CAPN7: variants seen among roughly 807,000 people sequenced by gnomAD.
CAPN7 encodes the protein calpain 7.
In CAPN7, 72 loss-of-function variants were observed where a neutral mutation model predicts 115.2. The observed-to-expected ratio is 0.63, with a 90% CI of 0.52 to 0.76. CAPN7 has a LOEUF of 0.76. CAPN7 is among the 30% of genes least tolerant of loss of function. CAPN7 has a pLI of 0.00. For missense variants in CAPN7, 905 were observed against 971.5 expected (o/e 0.93, Z 0.91); for synonymous variants, 344 against 322.3 (o/e 1.07, Z -0.72).
intron 2 of CAPN7, among the ~76,000 whole-genome samples, chr3:15,214,748 T>TACA (rs1368680183): frequency 1.3e-5 from 2 of 152,162 alleles, no homozygotes; most frequent in African/African-American, 2.4e-5. Flanking sequence ...ACCGTCGTAG[T>TACA]ACAGAGTTCA....
chr3:15,236,715 A>G (rs1695013238), intron 12 of CAPN7, among the ~76,000 whole-genome samples: 1 of 152,248 alleles, frequency 6.6e-6, no homozygotes, highest in Non-Finnish European at 1.5e-5. Flanking sequence ...CCTGTACAGC[A>G]TGTTATTGTA....
Position 15,214,281 on chromosome 3 carries a change from CTTAT to C in CAPN7, c.211+2075_211+2078del, listed in dbSNP as rs572997453. ...ATCTCTAGACAATTTAAAGGATTTT[CTTAT>C]TTATTATTTTAAGCAGAAAAGTCCT... On this transcript the variant is annotated intron_variant, in intron 2 of 20. Transcript: ENST00000253693. 8.2e-4 allele frequency among the ~76,000 whole-genome samples: 125 copies of C among 152,200 alleles called. 1 individual carries two copies. The highest frequency in any genetic ancestry group is 2.8e-4 in the Non-Finnish European group (19 of 68,006).
chr3:15,211,922 T>G (rs1051635386), intron 1 of CAPN7, among the ~76,000 whole-genome samples, 182 bp from the exon 2 acceptor site: 3 of 151,988 alleles, frequency 2.0e-5, no homozygotes, highest in African/African-American at 7.2e-5. Context: ...TTGAGAACAT[T>G]GAATACTGAA....
intron 14 of CAPN7, 104 bp downstream of exon 14, chr3:15,240,957 C>A: frequency 2.8e-6 from 2 of 712,558 alleles, no homozygotes; most frequent in South Asian, 1.8e-5. Context: ...GTAATCCCAG[C>A]ACTTTGGGAG....
chr3:15,235,037 A>T lies in CAPN7; in HGVS notation c.1299A>T (p.Gly433=), dbSNP rs1344370866. Residue 433 remains glycine, a synonymous_variant, in exon 12 of 21, where the codon GGA becomes GGT. Transcript: ENST00000253693. ...FRMLYQRFHK[G]DVLITASTGM... ...GGGTTCATTCCAGATTTCACAAAGGAGATGTCCTCATCACTGCGTCAACTG... is the reference window on the plus strand; with the variant it reads ...GGGTTCATTCCAGATTTCACAAAGGTGATGTCCTCATCACTGCGTCAACTG... 6.2e-7 allele frequency: 1 copy of T among 1,610,382 alleles called. No homozygotes were observed. The highest frequency in any genetic ancestry group is 8.5e-7 in the Non-Finnish European group (1 of 1,178,908).
rs774407810 is a variant in CAPN7, at chr3:15,241,592, C to T, written c.1788+4C>T. Reference sequence around the variant, plus strand: ...TAGTAGACACATAACAGACAAGGTACTGATACCCTTCTAATGATATCCCAT... The same window carrying T: ...TAGTAGACACATAACAGACAAGGTATTGATACCCTTCTAATGATATCCCAT... On this transcript the variant is annotated splice_donor_region_variant and intron_variant, in intron 15 of 20. Transcript: ENST00000253693. The T allele has an allele frequency of 1.9e-6, 3 of 1,612,282 alleles. No homozygotes were observed. The highest frequency in any genetic ancestry group is 1.1e-5 in the South Asian group (1 of 90,922).
intron 12 of CAPN7, among the ~76,000 whole-genome samples, chr3:15,239,123 G>A (rs1017707708): frequency 3.9e-5 from 6 of 152,154 alleles, no homozygotes; most frequent in Admixed American, 3.9e-4. Flanking sequence ...CACATACAGT[G>A]TAGAAGATAC....
intron 2 of CAPN7, 126 bp downstream of exon 2, chr3:15,212,338 T>C (rs1031411800): frequency 7.2e-6 from 4 of 556,702 alleles, no homozygotes; most frequent in African/African-American, 5.8e-5. Context: ...TTGCTGCTCA[T>C]TCCACTTTTG....
chr3:15,239,852 T>G (rs1415412709), intron 12 of CAPN7, among the ~76,000 whole-genome samples: 1 of 152,178 alleles, frequency 6.6e-6, no homozygotes, highest in Admixed American at 6.5e-5. Context: ...TTCTTCACTA[T>G]GTCTGTCTGC....
At chr3:15,242,445 G>C (rs892673384) in intron 16 of CAPN7, among the ~76,000 whole-genome samples, 192 bp downstream of exon 16, 5 of 152,162 alleles carry the variant, frequency 3.3e-5, no homozygotes, top group African/African-American at 1.2e-4. Flanking sequence ...TTAATTTGGA[G>C]ACTCCAAGGG....
At position 15,206,460 on chromosome 3, in the gene CAPN7, G is replaced by A. The variant is rs1301460049; in HGVS notation, c.-36G>A. On this transcript the variant is annotated 5_prime_UTR_variant, in exon 1 of 21. Transcript: ENST00000253693. ...CCGCGAAGAGCCGTCCTGCGTCAGG[G>A]CCTCCTTCCCTGCCCCGGCGCGGGG... 1.4e-6 allele frequency: 2 copies of A among 1,478,458 alleles called. No homozygotes were observed. The highest frequency in any genetic ancestry group is 2.3e-4 in the Middle Eastern group (1 of 4,410). 91.6% of individuals were successfully genotyped at this position (1,478,458 alleles called of 1,614,324 possible). A position where few individuals can be genotyped will look rare whatever the true frequency, so the allele number is the denominator to read the frequency against.
At chr3:15,222,930 C>T (rs562160237) in intron 5 of CAPN7, among the ~76,000 whole-genome samples, 29 of 152,156 alleles carry the variant, frequency 1.9e-4, no homozygotes, top group Admixed American at 3.3e-4. Context: ...GAAACAGATA[C>T]AAGAAGGAAA....
intron 9 of CAPN7, among the ~76,000 whole-genome samples, chr3:15,231,010 T>C (rs1460477114): frequency 1.3e-5 from 2 of 152,204 alleles, no homozygotes; most frequent in African/African-American, 4.8e-5. Context: ...ATAAGGGCCT[T>C]GCATTGTTAA....
chr3:15,229,553 C>CTTTTTTT (rs61081705), intron 8 of CAPN7, among the ~76,000 whole-genome samples: 1 of 88,306 alleles, frequency 1.1e-5, no homozygotes, highest in Non-Finnish European at 2.4e-5. Context: ...ATTGGTTTTA[C>CTTTTTTT]TTTTTTTCTT....
chr3:15,217,289 A>ATT (rs34313459), intron 2 of CAPN7, 136 bp from the exon 3 acceptor site: 6 of 739,228 alleles, frequency 8.1e-6, no homozygotes, highest in East Asian at 6.4e-5. Flanking sequence ...TTTTTTAAGG[A>ATT]TTTTTTTAAC....
chr3:15,243,576 A>G (rs1216883789), intron 16 of CAPN7, among the ~76,000 whole-genome samples: 1 of 152,208 alleles, frequency 6.6e-6, no homozygotes, highest in East Asian at 1.9e-4. Context: ...AAGGTACCAC[A>G]AAAGAATTTG....
Position 15,230,186 on chromosome 3 carries a change from A to G in CAPN7, c.939-256A>G, listed in dbSNP as rs555682605. Among the ~76,000 whole-genome samples the G allele has an allele frequency of 4.0e-3, 609 of 152,340 alleles. 5 individuals carry two copies. The highest frequency in any genetic ancestry group is 0.014 in the African/African-American group (589 of 41,582). ...AATAGATGGTTTATTAGGGTATGTA[A>G]GTTAACATTGAGCACTTTTCAGAGT... On this transcript the variant is annotated intron_variant, in intron 8 of 20. Transcript: ENST00000253693.
chr3:15,213,792 G>A (rs956493163), intron 2 of CAPN7, among the ~76,000 whole-genome samples: 1 of 151,792 alleles, frequency 6.6e-6, no homozygotes, highest in African/African-American at 2.4e-5. Flanking sequence ...TCTAAACATT[G>A]ATATATATGT....
At chr3:15,247,529 A>G (rs1695737937) in intron 19 of CAPN7, 72 bp downstream of exon 19, 1 of 1,282,466 alleles carries the variant, frequency 7.8e-7, no homozygotes, top group Non-Finnish European at 1.1e-6. Context: ...AAAAAAGTTT[A>G]GAAACAGACC....
Sources: allele counts gnomAD v4.1 joint callset (sites outside exome capture counted in the v4.1 genomes callset), GRCh38; gene constraint gnomAD v4.1.1; transcripts MANE v1.5; gene names NCBI Gene and HGNC (gene_info 2026-07-23, HGNC 2026-07-21).